Variants in CCDC178 observed in about 807,000 individuals in gnomAD.
CCDC178 encodes coiled-coil domain-containing protein 178.
A neutral mutation model predicts 117.4 loss-of-function variants in CCDC178; 126 were observed. The ratio of observed to expected loss-of-function variants is 1.07; its 90% CI spans 0.93 to 1.24. The LOEUF is 1.24. Among genes scored for constraint, CCDC178 ranks in the 50% most tolerant of loss-of-function variants. CCDC178 has a pLI of 0.00. For missense variants in CCDC178, 1,030 were observed against 986.9 expected, an observed-to-expected ratio of 1.04 and a Z score of -0.59; for synonymous variants, 283 against 313.4, an observed-to-expected ratio of 0.90 and a Z score of 1.02.
At chr18:33,297,659 T>A (rs1216520693) in intron 11 of CCDC178, among the ~76,000 whole-genome samples, 1 of 152,060 alleles carries the variant, frequency 6.6e-6, no homozygotes, top group Non-Finnish European at 1.5e-5. Context: ...CAATAACAAG[T>A]AATAAGATTG....
At chr18:33,194,141 TAA>T (rs2058896858) in intron 20 of CCDC178, among the ~76,000 whole-genome samples, 1 of 152,246 alleles carries the variant, frequency 6.6e-6, no homozygotes. Flanking sequence ...ACCATAGCAC[TAA>T]GTAAATATGT....
At chr18:33,197,146 A>G (rs1043865485) in intron 20 of CCDC178, among the ~76,000 whole-genome samples, 1 of 151,838 alleles carries the variant, frequency 6.6e-6, no homozygotes, top group African/African-American at 2.4e-5. Context: ...TCCTGCCTCA[A>G]CCGCCTGAGT....
chr18:33,194,708 A>T (rs936810904), intron 20 of CCDC178, among the ~76,000 whole-genome samples: 3 of 152,020 alleles, frequency 2.0e-5, no homozygotes, highest in Non-Finnish European at 4.4e-5. Context: ...TATGATGATG[A>T]TCTTCTTGAC....
At chr18:33,409,643 C>T (rs868104168) in intron 3 of CCDC178, among the ~76,000 whole-genome samples, 17 of 152,084 alleles carry the variant, frequency 1.1e-4, no homozygotes, top group African/African-American at 3.4e-4. Flanking sequence ...GGCATAAACA[C>T]ACAGGACTGA....
intron 14 of CCDC178, among the ~76,000 whole-genome samples, chr18:33,257,119 T>C (rs1291235343): frequency 2.0e-5 from 3 of 152,200 alleles, no homozygotes; most frequent in African/African-American, 7.2e-5. Flanking sequence ...GTGAGAATCT[T>C]GTATGGCCTC....
At chr18:33,354,519 A>G (rs1242164558) in intron 7 of CCDC178, among the ~76,000 whole-genome samples, 3 of 151,718 alleles carry the variant, frequency 2.0e-5, no homozygotes, top group Non-Finnish European at 4.4e-5. Flanking sequence ...TTATCATCAA[A>G]TTCACTGATT....
At chr18:33,085,568 A>C (rs1391160089) in intron 21 of CCDC178, among the ~76,000 whole-genome samples, 2 of 152,238 alleles carry the variant, frequency 1.3e-5, no homozygotes, top group Non-Finnish European at 2.9e-5. Flanking sequence ...GTCTCAAAAA[A>C]ATAAATAAAT....
At chr18:33,106,493 T>C (rs141980094) in intron 20 of CCDC178, among the ~76,000 whole-genome samples, 8 of 151,812 alleles carry the variant, frequency 5.3e-5, no homozygotes, top group Admixed American at 1.3e-4. Flanking sequence ...CATTCCGAAA[T>C]TGACAGACTC....
intron 2 of CCDC178, among the ~76,000 whole-genome samples, chr18:33,426,693 T>C (rs1014738881): frequency 1.3e-5 from 2 of 152,210 alleles, no homozygotes; most frequent in African/African-American, 4.8e-5. Context: ...TACTTTCTTA[T>C]CAATTCAGTA....
chr18:33,423,775 C>T (rs1490096306), intron 2 of CCDC178, among the ~76,000 whole-genome samples: 1 of 152,128 alleles, frequency 6.6e-6, no homozygotes, highest in Non-Finnish European at 1.5e-5. Flanking sequence ...TCGTTGGGAT[C>T]ATCTATTGCT....
At chr18:33,161,675 A>C (rs1159491478) in intron 20 of CCDC178, among the ~76,000 whole-genome samples, 1 of 152,106 alleles carries the variant, frequency 6.6e-6, no homozygotes, top group African/African-American at 2.4e-5. Context: ...AATTACCTTC[A>C]GGTTTTCTGG....
rs992241564 is a variant in CCDC178 at position 33,053,601 on chromosome 18, A to G, written c.2388+39160T>C. 3.3e-5 allele frequency among the ~76,000 whole-genome samples: 5 copies of G among 152,216 alleles called. 1 individual carries two copies. ...AACATTGTAAATTCAAACAACATTTACTGATAATATATTAGATGTCAATAG... is the reference window on the plus strand; with the variant it reads ...AACATTGTAAATTCAAACAACATTTGCTGATAATATATTAGATGTCAATAG... On this transcript the variant is annotated intron_variant, in intron 21 of 22. Coordinates refer to ENST00000383096, the MANE Select transcript of CCDC178 (RefSeq NM_001105528.4).
intron 2 of CCDC178, among the ~76,000 whole-genome samples, chr18:33,416,867 A>T (rs1160182316): frequency 6.6e-6 from 1 of 152,186 alleles, no homozygotes; most frequent in Non-Finnish European, 1.5e-5. Context: ...CTTGCCCAGC[A>T]GTAAAAGTGC....
At chr18:33,241,392 A>T (rs1325711451) in intron 15 of CCDC178, among the ~76,000 whole-genome samples, 1 of 151,326 alleles carries the variant, frequency 6.6e-6, no homozygotes, top group Admixed American at 6.6e-5. Flanking sequence ...ACTGAAAAGG[A>T]GAAAATCAAA....
chr18:33,145,610 T>C lies in CCDC178; in HGVS notation c.2239-52700A>G, dbSNP rs149324179. Among the ~76,000 whole-genome samples the C allele has an allele frequency of 1.1e-4, 16 of 152,310 alleles. No individual in the cohort carries two copies. In the East Asian group the frequency reaches 2.9e-3, roughly 28 times the overall value. On this transcript the variant is annotated intron_variant, in intron 20 of 22. Coordinates refer to ENST00000383096, the MANE Select transcript of CCDC178 (RefSeq NM_001105528.4). ...ATATCCATAGGCTCACACACATTTCTCAGCCCCACTGCAATTAGGAAGGGC... is the reference window on the plus strand; with the variant it reads ...ATATCCATAGGCTCACACACATTTCCCAGCCCCACTGCAATTAGGAAGGGC...
chr18:32,987,949 C>T (rs1364938150), intron 21 of CCDC178, among the ~76,000 whole-genome samples: 4 of 151,600 alleles, frequency 2.6e-5, no homozygotes, highest in South Asian at 2.1e-4. Context: ...TGGTGGCAGA[C>T]GCCTGCAATC....
Position 32,974,463 on chromosome 18 carries a change from G to A in CCDC178, c.2523+84C>T. 4 of 1,291,770 alleles carry A rather than the reference G, an allele frequency of 3.1e-6. No individual in the cohort carries two copies. In the South Asian group the frequency reaches 5.0e-5, roughly 16 times the overall value. The allele number at this position is 1,291,770 out of a possible 1,614,324, so 80.0% of individuals were successfully genotyped here. ...ATTTATAAAACTCTGATGGGATATG[G>A]TTTTAATGCTTCATCACACTACCCA... On this transcript the variant is annotated intron_variant, in intron 22 of 22. Coordinates refer to ENST00000383096, the MANE Select transcript of CCDC178 (RefSeq NM_001105528.4).
chr18:33,323,370 T>C, intron 11 of CCDC178, 121 bp downstream of exon 11: 1 of 500,272 alleles, frequency 2.0e-6, no homozygotes, highest in Non-Finnish European at 3.2e-6. Flanking sequence ...AAGACAGGTA[T>C]GAATAATTTA....
chr18:33,389,431 G>A (rs572416350), intron 5 of CCDC178, 109 bp downstream of exon 5: 60 of 416,248 alleles, frequency 1.4e-4, no homozygotes, highest in African/African-American at 8.9e-4. Flanking sequence ...AACAATTAAC[G>A]ATATGTAGGA....
Sources: allele counts gnomAD v4.1 joint callset (sites outside exome capture counted in the v4.1 genomes callset), GRCh38; gene constraint gnomAD v4.1.1; transcripts MANE v1.5; gene names NCBI Gene and HGNC (gene_info 2026-07-23, HGNC 2026-07-21).